Variants in CLCN3 observed in about 807,000 individuals in gnomAD.
CLCN3 encodes Cl-/H+ antiporter 3.
In CLCN3, 16 loss-of-function variants were observed where a neutral mutation model predicts 83.4. The ratio of observed to expected loss-of-function variants is 0.19; its 90% CI spans 0.13 to 0.29. The LOEUF is 0.29. Among genes scored for constraint, CLCN3 ranks in the 10% least tolerant of loss-of-function variants. The probability of loss-of-function intolerance (pLI) is 1.00; values close to 1 mark genes in which losing one functional copy is unlikely to be tolerated. For missense variants in CLCN3, 544 were observed against 1,006.0 expected (o/e 0.54, Z 6.21); for synonymous variants, 322 against 346.2 (o/e 0.93, Z 0.78).
At chr4:169,687,231 C>A (rs545621565) in intron 3 of CLCN3, among the ~76,000 whole-genome samples, 1 of 152,042 alleles carries the variant, frequency 6.6e-6, no homozygotes, top group Non-Finnish European at 1.5e-5. Flanking sequence ...ACAATCTAGG[C>A]CAGATTTTAT....
intron 2 of CLCN3, among the ~76,000 whole-genome samples, chr4:169,670,621 A>C (rs897657761): frequency 6.6e-6 from 1 of 152,144 alleles, no homozygotes; most frequent in African/African-American, 2.4e-5. Context: ...TCCATATGAA[A>C]TTTAAAGTAG....
At chr4:169,695,997 A>G (rs1041558052) in intron 8 of CLCN3, among the ~76,000 whole-genome samples, 2 of 152,184 alleles carry the variant, frequency 1.3e-5, no homozygotes, top group East Asian at 1.9e-4. Context: ...GAAACAATCT[A>G]TTTCCATTGG....
At chr4:169,678,009 C>T (rs966709295) in intron 2 of CLCN3, among the ~76,000 whole-genome samples, 3 of 152,108 alleles carry the variant, frequency 2.0e-5, no homozygotes, top group Non-Finnish European at 2.9e-5. Context: ...AATGAGGGAA[C>T]CCGCCTGATG....
chr4:169,624,790 A>AT (rs908453260), intron 1 of CLCN3, among the ~76,000 whole-genome samples: 5 of 151,022 alleles, frequency 3.3e-5, no homozygotes, highest in African/African-American at 7.3e-5. Flanking sequence ...TCCTTTTCAC[A>AT]TTTTTTTTTC....
chr4:169,654,222 A>C (rs766539327), intron 2 of CLCN3, among the ~76,000 whole-genome samples: 3 of 148,240 alleles, frequency 2.0e-5, no homozygotes, highest in Non-Finnish European at 3.0e-5. Flanking sequence ...CCTTTCTCCT[A>C]TTCCCTCCTC....
chr4:169,682,255 A>G (rs111313543), intron 3 of CLCN3, among the ~76,000 whole-genome samples: 7,328 of 152,216 alleles, frequency 0.048, 223 homozygotes, highest in Non-Finnish European at 0.077. Context: ...ACATTTGTTA[A>G]TTTTACCTTT....
In CLCN3 at chr4:169,722,566, T is replaced by A. The variant is rs551248527; in HGVS notation, c.*2569T>A. On this transcript the variant is annotated 3_prime_UTR_variant, in exon 13 of 13. Transcript: ENST00000513761. ...AATAGCCTTCAAAGGACAAATCGGTTTCTTTGCAGATAGCTTCGTAAAACT... is the reference window on the plus strand; with the variant it reads ...AATAGCCTTCAAAGGACAAATCGGTATCTTTGCAGATAGCTTCGTAAAACT... 1.6e-4 allele frequency: 24 copies of A among 152,370 alleles called. No individual in the cohort carries two copies. Among genetic ancestry groups the A allele is most frequent in the African/African-American group, 5.8e-4 (24 of 41,594 alleles). The allele number at this position is 152,370 out of a possible 1,614,324, so 9.4% of individuals were successfully genotyped here.
At chr4:169,690,423 G>A in intron 5 of CLCN3, 107 bp from the exon 6 acceptor site, 1 of 1,161,452 alleles carries the variant, frequency 8.6e-7, no homozygotes, top group Non-Finnish European at 1.2e-6. Flanking sequence ...GGGATTACAG[G>A]CGTGAGCCAC....
intron 1 of CLCN3, among the ~76,000 whole-genome samples, chr4:169,628,201 A>G (rs1773281931): frequency 6.6e-6 from 1 of 152,228 alleles, no homozygotes; most frequent in Non-Finnish European, 1.5e-5. Context: ...ATATTAAACT[A>G]TAAAATTTTA....
intron 2 of CLCN3, among the ~76,000 whole-genome samples, chr4:169,647,336 A>G (rs1348817841): frequency 6.6e-6 from 1 of 152,130 alleles, no homozygotes; most frequent in Admixed American, 6.6e-5. Flanking sequence ...GGCTGCAGTT[A>G]GCCGAGATCA....
intron 2 of CLCN3, among the ~76,000 whole-genome samples, chr4:169,637,457 A>G (rs1406367457): frequency 6.6e-6 from 1 of 152,110 alleles, no homozygotes; most frequent in Non-Finnish European, 1.5e-5. Context: ...GTTTGAGACC[A>G]ACCTGGGCAA....
At chr4:169,695,146 A>G (rs906978520) in intron 7 of CLCN3, among the ~76,000 whole-genome samples, 2 of 152,184 alleles carry the variant, frequency 1.3e-5, no homozygotes, top group African/African-American at 4.8e-5. Flanking sequence ...TAGTGAAAAT[A>G]TAGGGAATCT....
chr4:169,675,555 C>G (rs918141204), intron 2 of CLCN3, among the ~76,000 whole-genome samples: 10 of 152,072 alleles, frequency 6.6e-5, no homozygotes. Context: ...TATTCTATAT[C>G]AAATAATGAG....
At position 169,629,713 on chromosome 4, in the gene CLCN3, G is replaced by T. The variant is rs547923829; in HGVS notation, c.-16-6200G>T. ...CTAACCATTGAGTATACAGTGTTGA[G>T]CAAAAATTGAGTGTCAGACCTCATG... On this transcript the variant is annotated intron_variant, in intron 1 of 12. Coordinates refer to ENST00000513761, the MANE Select transcript of CLCN3 (RefSeq NM_001829.4). Among the ~76,000 whole-genome samples, 16 of 152,234 alleles carry T rather than the reference G, an allele frequency of 1.1e-4. No homozygotes were observed. The South Asian group carries it at 3.3e-3, about 32-fold the overall frequency.
chr4:169,706,820 T>C (rs1404999001), intron 10 of CLCN3, 48 bp from the exon 11 acceptor site: 20 of 1,502,768 alleles, frequency 1.3e-5, no homozygotes, highest in Non-Finnish European at 1.5e-5. Context: ...TAAAATGTAA[T>C]GATGAGGATC....
chr4:169,694,729 C>T (rs1732500729), intron 7 of CLCN3, among the ~76,000 whole-genome samples: 2 of 152,098 alleles, frequency 1.3e-5, no homozygotes, highest in African/African-American at 2.4e-5. Context: ...ATCCCAGCTA[C>T]TCGGGAGGCT....
chr4:169,646,273 C>G (rs1385299238), intron 2 of CLCN3, among the ~76,000 whole-genome samples: 1 of 151,876 alleles, frequency 6.6e-6, no homozygotes, highest in Non-Finnish European at 1.5e-5. Flanking sequence ...TTTTAGGAGT[C>G]TTTTTTCCTT....
chr4:169,654,203 G>A (rs1036379345), intron 2 of CLCN3, among the ~76,000 whole-genome samples: 22 of 151,158 alleles, frequency 1.5e-4, no homozygotes, highest in African/African-American at 4.4e-4. Flanking sequence ...ATTCTTCTCC[G>A]TCTCCTTTCC....
intron 3 of CLCN3, 86 bp from the exon 4 acceptor site, chr4:169,687,572 T>C (rs1732210973): frequency 1.2e-6 from 1 of 826,020 alleles, no homozygotes; most frequent in East Asian, 2.6e-5. Context: ...GTTCTATGTA[T>C]GGTAAATGAG....
Sources: gnomAD v4.1 joint callset for allele counts (sites outside exome capture counted in the v4.1 genomes callset) on GRCh38, gnomAD v4.1.1 for gene constraint, MANE v1.5 for transcripts, NCBI Gene and HGNC (gene_info 2026-07-23, HGNC 2026-07-21) for gene names.